The following ERC1 variants were observed in gnomAD, a reference collection of about 807,000 sequenced individuals.
ERC1 encodes RAB6 interacting protein 2.
In ERC1, 56 loss-of-function variants were observed where a neutral mutation model predicts 132.0. The observed-to-expected ratio is 0.42, with a 90% CI of 0.34 to 0.53. ERC1 has a LOEUF of 0.53. ERC1 is among the 20% of genes least tolerant of loss of function. ERC1 has a pLI of 0.03. For missense variants in ERC1, 1,202 were observed against 1,349.9 expected (o/e 0.89, Z 1.72); for synonymous variants, 478 against 476.1 (o/e 1.00, Z -0.05).
At chr12:1,183,239 T>TAAAATAAA in intron 10 of ERC1, 42 bp from the exon 11 acceptor site, 4 of 1,381,972 alleles carry the variant, frequency 2.9e-6, no homozygotes, top group Non-Finnish European at 2.9e-6. Flanking sequence ...ACCTCTATTT[T>TAAAATAAA]TTTTAAAATT....
chr12:1,017,664 A>C (rs1215295273), intron 1 of ERC1, among the ~76,000 whole-genome samples: 2 of 151,640 alleles, frequency 1.3e-5, no homozygotes, highest in East Asian at 3.9e-4. Context: ...ACACCCCGCT[A>C]ATTTTTGTAT....
At chr12:1,260,032 A>G (rs1417613196) in intron 13 of ERC1, among the ~76,000 whole-genome samples, 1 of 152,072 alleles carries the variant, frequency 6.6e-6, no homozygotes, top group Non-Finnish European at 1.5e-5. Flanking sequence ...TTCACCACTC[A>G]CCTATGGTAG....
chr12:1,255,656 G>T (rs1286049501), intron 13 of ERC1, among the ~76,000 whole-genome samples: 1 of 65,030 alleles, frequency 1.5e-5, no homozygotes. Flanking sequence ...TTTTTGAGAC[G>T]GAGTCTCATT....
At chr12:1,173,476 ATT>A (rs908759662) in intron 8 of ERC1, among the ~76,000 whole-genome samples, 2 of 152,086 alleles carry the variant, frequency 1.3e-5, no homozygotes, top group Non-Finnish European at 1.5e-5. Flanking sequence ...TTAAAAGGGT[ATT>A]TTTCTGCTAA....
At chr12:1,418,282 G>C (rs1226603567) in intron 17 of ERC1, among the ~76,000 whole-genome samples, 1 of 152,114 alleles carries the variant, frequency 6.6e-6, no homozygotes, top group Non-Finnish European at 1.5e-5. Flanking sequence ...AGGTCTCTCT[G>C]ACCTTCTCCT....
At chr12:1,463,734 T>TGTG (rs1431465643) in intron 18 of ERC1, among the ~76,000 whole-genome samples, 3 of 150,982 alleles carry the variant, frequency 2.0e-5, no homozygotes, top group African/African-American at 2.4e-5. Flanking sequence ...TGTGTGTGTC[T>TGTG]TGACAAACTG....
chr12:1,094,411 C>T (rs1253377681), intron 3 of ERC1, among the ~76,000 whole-genome samples: 3 of 72,464 alleles, frequency 4.1e-5, no homozygotes, highest in African/African-American at 7.8e-5. Flanking sequence ...TATTCCTTCT[C>T]TCTCTTTTTT....
chr12:1,083,545 G>T lies in ERC1; in HGVS notation c.1051G>T (p.Glu351Ter). The T allele has an allele frequency of 6.2e-7, 1 of 1,606,872 alleles. No homozygotes were observed. Among genetic ancestry groups the T allele is most frequent in the Non-Finnish European group, 8.5e-7 (1 of 1,178,252 alleles). Reference sequence around the variant, plus strand: ...CGTTCATCACCTAGAAAGCCTTTTGGAGCAGAAGGAAAAAGAGAACAGTAT... The same window carrying T: ...CGTTCATCACCTAGAAAGCCTTTTGTAGCAGAAGGAAAAAGAGAACAGTAT... Reference protein sequence around the residue: ...MHVHHLESLLEQKEKENSMLR... With the variant: ...MHVHHLESLL Residue 351 changes from glutamate to a stop codon, truncating the protein, a stop_gained, in exon 3 of 19, where the codon GAG (glutamate) becomes TAG (stop). Coordinates refer to ENST00000360905, the MANE Select transcript of ERC1 (RefSeq NM_178040.4). LOFTEE classifies it high-confidence loss of function.
intron 2 of ERC1, among the ~76,000 whole-genome samples, chr12:1,071,169 T>C (rs1422157927): frequency 6.6e-6 from 1 of 152,206 alleles, no homozygotes; most frequent in Non-Finnish European, 1.5e-5. Context: ...CATTTTTATA[T>C]GGTTGTGTTT....
chr12:1,428,798 A>G (rs1565419450), intron 17 of ERC1, among the ~76,000 whole-genome samples: 1 of 152,244 alleles, frequency 6.6e-6, no homozygotes, highest in Non-Finnish European at 1.5e-5. Flanking sequence ...TCTTAGACAC[A>G]GAACTGCATT....
intron 15 of ERC1, among the ~76,000 whole-genome samples, chr12:1,353,615 C>T (rs1017696642): frequency 6.6e-6 from 1 of 152,162 alleles, no homozygotes; most frequent in Non-Finnish European, 1.5e-5. Context: ...GGCTGGGGGG[C>T]CACTTGGCAG....
intron 2 of ERC1, among the ~76,000 whole-genome samples, chr12:1,036,712 A>G (rs938616670): frequency 1.3e-5 from 2 of 152,058 alleles, no homozygotes; most frequent in African/African-American, 4.8e-5. Context: ...TAGTTGTTTC[A>G]CTGTCATTTA....
chr12:1,436,914 G>A (rs1293945541), intron 17 of ERC1, among the ~76,000 whole-genome samples: 7 of 151,882 alleles, frequency 4.6e-5, no homozygotes, highest in Non-Finnish European at 8.8e-5. Flanking sequence ...TGCCCCTAAT[G>A]TCTCATTCAT....
intron 18 of ERC1, among the ~76,000 whole-genome samples, chr12:1,451,038 C>T (rs760140621): frequency 1.3e-5 from 2 of 152,148 alleles, no homozygotes; most frequent in African/African-American, 2.4e-5. Context: ...TAGAAGTTCT[C>T]TACATAGTTA....
intron 6 of ERC1, among the ~76,000 whole-genome samples, chr12:1,114,465 T>C (rs1310499821): frequency 1.4e-5 from 2 of 146,036 alleles, no homozygotes; most frequent in African/African-American, 5.2e-5. Context: ...TGGAGGTAGC[T>C]GGAAATTTGA....
intron 15 of ERC1, among the ~76,000 whole-genome samples, chr12:1,314,422 A>G (rs1222209627): frequency 6.6e-6 from 1 of 152,230 alleles, no homozygotes; most frequent in Non-Finnish European, 1.5e-5. Context: ...CCCAGTGGCA[A>G]TAAGAATATA....
intron 17 of ERC1, among the ~76,000 whole-genome samples, chr12:1,424,832 TAGATAGATAGATGATAGATAGATAGATA>T (rs1266032416): frequency 8.0e-6 from 1 of 124,328 alleles, no homozygotes; most frequent in African/African-American, 3.0e-5. Context: ...GATAGATAGA[TAGATAGATAGATGATAGATAGATAGATA>T]GATCGATAGA....
chr12:1,354,179 A>G (rs770866981), intron 15 of ERC1, among the ~76,000 whole-genome samples: 3 of 151,918 alleles, frequency 2.0e-5, no homozygotes, highest in Non-Finnish European at 2.9e-5. Flanking sequence ...TGTCAGTACA[A>G]CTGCCTACCA....
At chr12:1,463,793 T>C (rs1029153157) in intron 18 of ERC1, among the ~76,000 whole-genome samples, 13 of 151,460 alleles carry the variant, frequency 8.6e-5, no homozygotes, top group African/African-American at 3.2e-4. Flanking sequence ...TCACACACAG[T>C]CTGGCACTTT....
Sources: gnomAD v4.1 joint callset for allele counts (sites outside exome capture counted in the v4.1 genomes callset) on GRCh38, gnomAD v4.1.1 for gene constraint, MANE v1.5 for transcripts, NCBI Gene and HGNC (gene_info 2026-07-23, HGNC 2026-07-21) for gene names.